Variants in PTPRD observed in about 807,000 individuals in gnomAD.
PTPRD encodes the protein receptor-type tyrosine-protein phosphatase delta.
PTPRD carries 34 observed loss-of-function variants against 214.5 expected under a neutral mutation model. The observed-to-expected ratio is 0.16, with a 90% confidence interval of 0.12 to 0.21. PTPRD has a LOEUF of 0.21. PTPRD is among the 10% of genes least tolerant of loss of function. The pLI is 1.00. For synonymous variants in PTPRD, 1,128 were observed against 845.7 expected, an observed-to-expected ratio of 1.33 and a Z score of -5.79; for missense variants, 2,545 against 2,398.7, an observed-to-expected ratio of 1.06 and a Z score of -1.27.
chr9:9,781,268 G>A (rs1302765572), intron 5 of PTPRD, among the ~76,000 whole-genome samples: 1 of 152,196 alleles, frequency 6.6e-6, no homozygotes, highest in Non-Finnish European at 1.5e-5. Context: ...TTAACTGACA[G>A]TGGGAAGAGG....
At chr9:8,513,235 T>C (rs2097716537) in intron 21 of PTPRD, among the ~76,000 whole-genome samples, 1 of 152,042 alleles carries the variant, frequency 6.6e-6, no homozygotes, top group Non-Finnish European at 1.5e-5. Flanking sequence ...CGGTCAACTG[T>C]ACTAATGTTC....
At chr9:10,412,095 T>G (rs1055075442) in intron 2 of PTPRD, among the ~76,000 whole-genome samples, 1 of 151,744 alleles carries the variant, frequency 6.6e-6, no homozygotes, top group Non-Finnish European at 1.5e-5. Context: ...AACTCTGCAG[T>G]GCATTAGAAA....
At chr9:9,058,543 G>A (rs908719049) in intron 10 of PTPRD, among the ~76,000 whole-genome samples, 6 of 135,286 alleles carry the variant, frequency 4.4e-5, no homozygotes, top group African/African-American at 1.3e-4. Context: ...CCGCCCCCTG[G>A]GGTTCACGCC....
At chr9:9,617,767 C>CG (rs2094969806) in intron 7 of PTPRD, among the ~76,000 whole-genome samples, 1 of 151,858 alleles carries the variant, frequency 6.6e-6, no homozygotes, top group Non-Finnish European at 1.5e-5. Context: ...TTTATCTTGA[C>CG]TTTTTTTAAG....
chr9:9,177,062 T>C (rs1350018395), intron 10 of PTPRD, among the ~76,000 whole-genome samples: 2 of 152,134 alleles, frequency 1.3e-5, no homozygotes, highest in African/African-American at 4.8e-5. Context: ...GACTGGGTAA[T>C]TTATAAAGAA....
chr9:9,621,988 C>A (rs1282991329), intron 7 of PTPRD, among the ~76,000 whole-genome samples: 6 of 152,138 alleles, frequency 3.9e-5, no homozygotes, highest in African/African-American at 1.4e-4. Context: ...GGCGAGGAGA[C>A]CTGGTCATCT....
At chr9:9,787,179 TTTTA>T (rs1170153354) in intron 5 of PTPRD, among the ~76,000 whole-genome samples, 4 of 151,724 alleles carry the variant, frequency 2.6e-5, no homozygotes, top group Non-Finnish European at 5.9e-5. Context: ...TAAAAATCAA[TTTTA>T]TTTCTCATTT....
intron 10 of PTPRD, among the ~76,000 whole-genome samples, chr9:9,070,527 C>T (rs1252910557): frequency 1.3e-5 from 2 of 152,108 alleles, no homozygotes; most frequent in Admixed American, 6.5e-5. Flanking sequence ...CATTCCTTCA[C>T]ATTTTGCCCA....
At position 9,275,112 on chromosome 9, in the gene PTPRD, ATATATAT is replaced by A. The variant is rs1254358840; in HGVS notation, c.-202-91756_-202-91750del. 5.4e-3 allele frequency among the ~76,000 whole-genome samples: 294 copies of A among 54,160 alleles called. 1 individual carries two copies. The highest frequency in any genetic ancestry group is 0.021 in the African/African-American group (286 of 13,520). The allele number at this position is 54,160 out of a possible 152,430, so 35.5% of individuals were successfully genotyped here. ...ATATGTTATATATATAATATATTATATATATATTATATATATTATATATAATATATAT... is the reference window on the plus strand; with the variant it reads ...ATATGTTATATATATAATATATTATATATATATATTATATATAATATATAT... On this transcript the variant is annotated intron_variant, in intron 9 of 45. Transcript: ENST00000381196.
chr9:8,543,695 G>C (rs2079073458), intron 14 of PTPRD, among the ~76,000 whole-genome samples: 1 of 152,092 alleles, frequency 6.6e-6, no homozygotes, highest in African/African-American at 2.4e-5. Context: ...TTTCCCCAGT[G>C]GGAAAAAGAC....
At chr9:9,671,784 G>C (rs558052803) in intron 7 of PTPRD, among the ~76,000 whole-genome samples, 2 of 152,056 alleles carry the variant, frequency 1.3e-5, no homozygotes, top group African/African-American at 4.8e-5. Context: ...TGATTCTAAG[G>C]CCTCCCAGCC....
chr9:10,182,993 A>G (rs2154309409), intron 3 of PTPRD, among the ~76,000 whole-genome samples: 1 of 152,304 alleles, frequency 6.6e-6, no homozygotes, highest in Non-Finnish European at 1.5e-5. Context: ...ATCTTGGCTA[A>G]GTTATTTAAT....
chr9:8,491,829 C>A (rs1167017537), intron 27 of PTPRD, among the ~76,000 whole-genome samples: 3 of 152,152 alleles, frequency 2.0e-5, no homozygotes, highest in Non-Finnish European at 4.4e-5. Context: ...CTCAACATCA[C>A]AGCTGTTCTT....
intron 11 of PTPRD, among the ~76,000 whole-genome samples, chr9:9,008,448 C>CA (rs2154360517): frequency 6.6e-6 from 1 of 151,888 alleles, no homozygotes; most frequent in South Asian, 2.1e-4. Context: ...AGGATGGTCT[C>CA]ATCTCCTGAC....
At chr9:8,379,323 C>T (rs1027902548) in intron 37 of PTPRD, among the ~76,000 whole-genome samples, 1 of 152,078 alleles carries the variant, frequency 6.6e-6, no homozygotes, top group Non-Finnish European at 1.5e-5. Flanking sequence ...ACATTTTTCC[C>T]TTTGCTGGTA....
intron 10 of PTPRD, among the ~76,000 whole-genome samples, chr9:9,099,207 G>GT (rs1210586425): frequency 6.6e-6 from 1 of 152,164 alleles, no homozygotes; most frequent in Non-Finnish European, 1.5e-5. Context: ...GATGGGAGAG[G>GT]TAAAAAGCAA....
At chr9:10,090,113 T>A (rs553724128) in intron 3 of PTPRD, among the ~76,000 whole-genome samples, 1 of 151,690 alleles carries the variant, frequency 6.6e-6, no homozygotes, top group Non-Finnish European at 1.5e-5. Flanking sequence ...AAACTAAGCA[T>A]ATCCATATAG....
intron 5 of PTPRD, among the ~76,000 whole-genome samples, chr9:9,896,303 A>G (rs1248901774): frequency 6.6e-6 from 1 of 152,146 alleles, no homozygotes; most frequent in Non-Finnish European, 1.5e-5. Context: ...GTAAGAAAAG[A>G]GTCATGGACA....
At chr9:8,540,762 T>C (rs2078196438) in intron 14 of PTPRD, among the ~76,000 whole-genome samples, 1 of 152,086 alleles carries the variant, frequency 6.6e-6, no homozygotes, top group South Asian at 2.1e-4. Flanking sequence ...TTACAGAAAA[T>C]GGTTGTTACC....
Sources: allele counts gnomAD v4.1 joint callset (sites outside exome capture counted in the v4.1 genomes callset), GRCh38; gene constraint gnomAD v4.1.1; transcripts MANE v1.5; gene names NCBI Gene and HGNC (gene_info 2026-07-23, HGNC 2026-07-21).